The following PLPP3 variants were observed in gnomAD, a reference collection of about 807,000 sequenced individuals.
PLPP3 encodes PAP2 beta.
PLPP3 carries 6 observed loss-of-function variants against 29.6 expected under a neutral mutation model. The ratio of observed to expected loss-of-function variants is 0.20; its 90% CI spans 0.11 to 0.40. The LOEUF is 0.40. Among genes scored for constraint, PLPP3 ranks in the 10% least tolerant of loss-of-function variants. PLPP3 has a pLI of 1.00. For synonymous variants in PLPP3, 152 were observed against 159.7 expected (o/e 0.95, Z 0.36); for missense variants, 308 against 407.7 (o/e 0.76, Z 2.11).
chr1:56,538,359 A>T (rs966153144), intron 1 of PLPP3: 2 of 290,566 alleles, frequency 6.9e-6, no homozygotes, highest in Admixed American at 3.8e-5. Flanking sequence ...AAGTAAAAGG[A>T]CCAGTTCTTT....
chr1:56,559,802 T>A (rs995734385), intron 1 of PLPP3, among the ~76,000 whole-genome samples: 2 of 152,204 alleles, frequency 1.3e-5, no homozygotes, highest in Non-Finnish European at 2.9e-5. Flanking sequence ...TCTCTGAGCC[T>A]GGTTTTCCCA....
chr1:56,537,718 C>T (rs1398833983), intron 1 of PLPP3, among the ~76,000 whole-genome samples: 2 of 151,584 alleles, frequency 1.3e-5, no homozygotes, highest in Non-Finnish European at 3.0e-5. Flanking sequence ...GTGCCTGGCA[C>T]ATAGTAGCTG....
At chr1:56,571,470 C>CTTCCCCAGCTCAAAAAGGCCTATTT (rs1646198145) in intron 1 of PLPP3, among the ~76,000 whole-genome samples, 1 of 152,174 alleles carries the variant, frequency 6.6e-6, no homozygotes, top group Non-Finnish European at 1.5e-5. Flanking sequence ...ACCTCTCTCC[C>CTTCCCCAGCTCAAAAAGGCCTATTT]TTCCCCAGCT....
intron 1 of PLPP3, among the ~76,000 whole-genome samples, chr1:56,570,102 A>G (rs59475580): frequency 0.025 from 3,768 of 152,306 alleles, 105 homozygotes; most frequent in East Asian, 0.13. Context: ...CCTGGCATAT[A>G]GTAGGTGCTC....
At chr1:56,558,281 A>G (rs1338343881) in intron 1 of PLPP3, among the ~76,000 whole-genome samples, 1 of 152,234 alleles carries the variant, frequency 6.6e-6, no homozygotes, top group Non-Finnish European at 1.5e-5. Context: ...TCTCTCAGGT[A>G]GGTTTCATCT....
intron 1 of PLPP3, chr1:56,539,004 C>T (rs1310515203): frequency 1.5e-5 from 2 of 134,664 alleles, no homozygotes; most frequent in Non-Finnish European, 3.1e-5. Context: ...ATTGAATGCA[C>T]ACTCACAATG....
At chr1:56,568,811 G>A (rs997218139) in intron 1 of PLPP3, among the ~76,000 whole-genome samples, 19 of 152,040 alleles carry the variant, frequency 1.2e-4, no homozygotes, top group Non-Finnish European at 2.5e-4. Flanking sequence ...ATTTTTAGTA[G>A]AGATGGGGTT....
At chr1:56,576,779 A>T (rs769805603) in intron 1 of PLPP3, among the ~76,000 whole-genome samples, 7 of 152,152 alleles carry the variant, frequency 4.6e-5, no homozygotes, top group Non-Finnish European at 1.0e-4. Flanking sequence ...GATAGTGGGG[A>T]AATGAAGAAC....
intron 4 of PLPP3, among the ~76,000 whole-genome samples, chr1:56,520,370 A>G (rs1466149300): frequency 6.6e-6 from 1 of 152,088 alleles, no homozygotes; most frequent in African/African-American, 2.4e-5. Flanking sequence ...ACCCCAGGGA[A>G]GCTATGAATC....
At chr1:56,572,110 C>T (rs918032487) in intron 1 of PLPP3, among the ~76,000 whole-genome samples, 85 of 121,686 alleles carry the variant, frequency 7.0e-4, no homozygotes, top group South Asian at 1.1e-3. Context: ...AGTGCAGTGG[C>T]GTGATCTTGG....
intron 1 of PLPP3, among the ~76,000 whole-genome samples, chr1:56,542,217 G>A (rs1054413748): frequency 3.9e-5 from 6 of 152,106 alleles, no homozygotes; most frequent in African/African-American, 1.4e-4. Flanking sequence ...AACTAACACT[G>A]GGGCAGGTTG....
In PLPP3 at chr1:56,579,053, G is replaced by A. The variant is rs750768110; in HGVS notation, c.-37C>T. The A allele has an allele frequency of 5.1e-6, 8 of 1,573,208 alleles. No homozygotes were observed. Among genetic ancestry groups the A allele is most frequent in the African/African-American group, 1.4e-5 (1 of 71,210 alleles). ...CGGCGCGAGCCTCCCGCCCCGCGAA[G>A]ACGTCCCGCAACAGCAGCCACACAC... is the stretch of plus-strand genomic sequence containing the variant. On this transcript the variant is annotated 5_prime_UTR_variant, in exon 1 of 6. Transcript: ENST00000371250.
At chr1:56,567,577 T>C (rs1466679514) in intron 1 of PLPP3, among the ~76,000 whole-genome samples, 1 of 152,030 alleles carries the variant, frequency 6.6e-6, no homozygotes, top group Non-Finnish European at 1.5e-5. Context: ...TTTTGTATTT[T>C]TAGTAGAGAC....
At chr1:56,557,026 A>G (rs11799815) in intron 1 of PLPP3, among the ~76,000 whole-genome samples, 2,377 of 9,496 alleles carry the variant, frequency 0.25, 611 homozygotes, top group Middle Eastern at 0.5. Context: ...GAGAGAGAGA[A>G]AGAGAGAGAG....
chr1:56,503,914 A>G (rs1425300426), intron 5 of PLPP3, among the ~76,000 whole-genome samples: 2 of 152,060 alleles, frequency 1.3e-5, no homozygotes, highest in African/African-American at 4.8e-5. Flanking sequence ...AGTAGCTGGG[A>G]TTACAGGTGT....
At chr1:56,497,449 A>G (rs11206832) in intron 5 of PLPP3, among the ~76,000 whole-genome samples, 25,830 of 152,222 alleles carry the variant, frequency 0.17, 2,800 homozygotes, top group South Asian at 0.24. Context: ...TGGAGTAAGA[A>G]AAATTTATGC....
chr1:56,501,792 AG>A (rs1553135309), intron 5 of PLPP3, among the ~76,000 whole-genome samples: 1 of 152,184 alleles, frequency 6.6e-6, no homozygotes, highest in African/African-American at 2.4e-5. Flanking sequence ...ATAAAAAGAG[AG>A]GGGGGAAAAA....
Position 56,535,385 on chromosome 1 carries a change from A to G in PLPP3, c.297+1570T>C, listed in dbSNP as rs140438404. The stretch of plus-strand genomic sequence containing the variant: ...CTGGACAAGAGATAACAATTATTGC[A>G]GTAATTTCTTGGCTTGTGTTTCTCC... On this transcript the variant is annotated intron_variant, in intron 2 of 5. Transcript: ENST00000371250. Among the ~76,000 whole-genome samples the G allele has an allele frequency of 4.9e-3, 749 of 152,310 alleles. 5 individuals are homozygous for G. Among genetic ancestry groups the G allele is most frequent in the African/African-American group, 0.014 (593 of 41,556 alleles).
At chr1:56,577,049 A>C (rs573288636) in intron 1 of PLPP3, among the ~76,000 whole-genome samples, 1 of 152,296 alleles carries the variant, frequency 6.6e-6, no homozygotes, top group Admixed American at 6.5e-5. Flanking sequence ...TTTCTTAATC[A>C]CAAAGTAGGA....
Sources: allele counts gnomAD v4.1 joint callset (sites outside exome capture counted in the v4.1 genomes callset), GRCh38; gene constraint gnomAD v4.1.1; transcripts MANE v1.5; gene names NCBI Gene and HGNC (gene_info 2026-07-23, HGNC 2026-07-21).